The following ARSL variants were observed in gnomAD, a reference collection of about 807,000 sequenced individuals.
The protein encoded by ARSL is arylsulfatase L.
A neutral mutation model predicts 31.1 loss-of-function variants in ARSL; 4 were observed. The observed-to-expected ratio is 0.13, with a 90% confidence interval of 0.06 to 0.29. ARSL has a LOEUF of 0.29. Ranked by LOEUF, ARSL falls within the 10% of genes least tolerant of loss-of-function variation. The pLI, the probability that ARSL is intolerant of heterozygous loss-of-function variation, is 1.00. For missense variants in ARSL, 312 were observed against 497.8 expected, an observed-to-expected ratio of 0.63 and a Z score of 3.55; for synonymous variants, 198 against 209.9, an observed-to-expected ratio of 0.94 and a Z score of 0.49.
At chrX:2,942,714 C>T (rs2089297625) in intron 8 of ARSL, among the ~76,000 whole-genome samples, 1 of 111,893 alleles carries the variant, frequency 8.9e-6, no homozygotes, top group Non-Finnish European at 1.9e-5. Context: ...TGCACACTTA[C>T]ACGCAGACAT....
At chrX:2,959,766 C>G (rs2089578370) in intron 2 of ARSL, 1 of 1,108,607 alleles carries the variant, frequency 9.0e-7, no homozygotes, top group Non-Finnish European at 1.2e-6. Flanking sequence ...ATCAAGAGAT[C>G]CAGAAGCGGT....
rs183689320 is a variant in ARSL at position 2,944,699 on chromosome X, T to C, written c.991+1299A>G. Among the ~76,000 whole-genome samples the C allele has an allele frequency of 1.8e-3, 199 of 110,033 alleles. 1 individual carries two copies. The highest frequency in any genetic ancestry group is 6.2e-3 in the African/African-American group (188 of 30,281). On this transcript the variant is annotated intron_variant, in intron 7 of 10. Transcript: ENST00000381134. The stretch of plus-strand genomic sequence containing the variant: ...TCTTTTTTGGGAGGCAGGGATGTGC[T>C]GTGCCCATATACAGGTGCTCACCCA...
intron 2 of ARSL, chrX:2,959,843 C>T (rs1277461721): frequency 1.9e-5 from 11 of 591,298 alleles, no homozygotes; most frequent in Non-Finnish European, 2.6e-5. Context: ...ATTGCCTGAG[C>T]CCAGGTGTTT....
intron 1 of ARSL, among the ~76,000 whole-genome samples, chrX:2,960,862 C>A (rs1052249122): frequency 9.0e-6 from 1 of 110,959 alleles, no homozygotes; most frequent in East Asian, 2.9e-4. Context: ...AAGGGGGAAG[C>A]GGGGAAAGAT....
chrX:2,937,503 C>T (rs1038883078), intron 9 of ARSL, among the ~76,000 whole-genome samples: 17 of 110,981 alleles, frequency 1.5e-4, no homozygotes, highest in African/African-American at 3.9e-4. Context: ...CCTTGAAGCG[C>T]GATAAAATAA....
In ARSL at chrX:2,960,417, C is replaced by T. The variant is rs770410450; in HGVS notation, c.-17G>A. 8.3e-7 allele frequency: 1 copy of T among 1,203,130 alleles called. No homozygotes were observed. Among genetic ancestry groups the T allele is most frequent in the South Asian group, 1.8e-5 (1 of 56,566 alleles). On this transcript the variant is annotated 5_prime_UTR_variant, in exon 2 of 11. Coordinates refer to ENST00000381134, the MANE Select transcript of ARSL (RefSeq NM_000047.3). ...ATGTAACATGTTGTCTCTCTCTCTA[C>T]TTCCTGTAAGACATAAAGATGTCCA... is the stretch of plus-strand genomic sequence containing the variant.
At chrX:2,961,148 G>A (rs2089627239) in intron 1 of ARSL, among the ~76,000 whole-genome samples, 2 of 111,324 alleles carry the variant, frequency 1.8e-5, no homozygotes, top group Non-Finnish European at 3.8e-5. Context: ...GCCGGGAGAG[G>A]GGGCGACCAT....
intron 7 of ARSL, among the ~76,000 whole-genome samples, chrX:2,943,946 G>A (rs911019299): frequency 2.7e-5 from 3 of 110,026 alleles, no homozygotes; most frequent in Non-Finnish European, 3.8e-5. Flanking sequence ...TTGAGAGGCT[G>A]AGGTGGGAGG....
At chrX:2,936,502 C>T (rs760425809) in intron 10 of ARSL, among the ~76,000 whole-genome samples, 2 of 111,043 alleles carry the variant, frequency 1.8e-5, no homozygotes, top group South Asian at 3.8e-4. Context: ...CTATAGGTAA[C>T]GACTCCCCAT....
intron 6 of ARSL, among the ~76,000 whole-genome samples, chrX:2,947,125 G>A (rs1042395423): frequency 9.1e-6 from 1 of 110,417 alleles, no homozygotes; most frequent in African/African-American, 3.3e-5. Context: ...AGGAGGTTGC[G>A]GTGAGCTGAG....
chrX:2,943,597 C>G (rs1198166181), intron 7 of ARSL, among the ~76,000 whole-genome samples: 1 of 108,587 alleles, frequency 9.2e-6, no homozygotes, highest in East Asian at 2.9e-4. Flanking sequence ...CAAAAATTAG[C>G]CGGGCGTGGT....
intron 4 of ARSL, among the ~76,000 whole-genome samples, chrX:2,955,076 A>G (rs1034306157): frequency 8.9e-6 from 1 of 111,926 alleles, no homozygotes; most frequent in African/African-American, 3.2e-5. Flanking sequence ...TGGTTTATGC[A>G]TGAAAGGTGC....
In ARSL at chrX:2,949,611, G is replaced by T. The variant is rs747748989; in HGVS notation, c.547C>A (p.Arg183Ser). Residue 183 changes from arginine to serine, a missense_variant, in exon 6 of 11, where the codon CGC becomes AGC. Coordinates refer to ENST00000381134, the MANE Select transcript of ARSL (RefSeq NM_000047.3). ...ACACGCTTCTCTGAGAGTTCCCAGC[G>T]GGCGCAATCACCCATCAAGGAGAAA... ...MPFSLMGDCA[R>S]WELSEKRVNL... 4 of 1,211,262 alleles carry T rather than the reference G, an allele frequency of 3.3e-6. No homozygotes were observed. The highest frequency in any genetic ancestry group is 4.5e-6 in the Non-Finnish European group (4 of 895,447).
upstream of ARSL, among the ~76,000 whole-genome samples, chrX:2,964,948 T>C (rs933673929): frequency 6.4e-5 from 7 of 109,821 alleles, no homozygotes; most frequent in African/African-American, 9.9e-5. Flanking sequence ...CTATAAATAA[T>C]AAAACAATTA....
At position 2,944,126 on chromosome X, in the gene ARSL, C is replaced by T. The variant is rs1348116169; in HGVS notation, c.992-927G>A. ...CCTGGGAAGGCAGGGTGCAGTGAGC[C>T]ACGGTTGCACCACTGCACTCCAGCC... On this transcript the variant is annotated intron_variant, in intron 7 of 10. Transcript: ENST00000381134. Among the ~76,000 whole-genome samples, 7 of 109,834 alleles carry T rather than the reference C, an allele frequency of 6.4e-5. No homozygotes were observed. In the East Asian group the frequency reaches 2.0e-3, roughly 32 times the overall value.
Position 2,960,224 on chromosome X carries a change from G to A in ARSL, c.23+154C>T, listed in dbSNP as rs1272678497. On this transcript the variant is annotated intron_variant, in intron 2 of 10. Coordinates refer to ENST00000381134, the MANE Select transcript of ARSL (RefSeq NM_000047.3). ...GCGGAGCTTGCAGTGAGCCGAGATC[G>A]CGCCACTGCACTCCAGCCTGGGCGA... Among the ~76,000 whole-genome samples, 21 of 70,790 alleles carry A rather than the reference G, an allele frequency of 3.0e-4. 3 individuals are homozygous for A. Among genetic ancestry groups the A allele is most frequent in the East Asian group, 1.5e-3 (4 of 2,624 alleles). 61.5% of individuals were successfully genotyped at this position (70,790 alleles called of 115,157 possible).
chrX:2,945,084 G>C (rs1344466099), intron 7 of ARSL, among the ~76,000 whole-genome samples: 1 of 110,770 alleles, frequency 9.0e-6, no homozygotes, highest in Non-Finnish European at 1.9e-5. Context: ...AACAAAAAAG[G>C]ACCACAGGAG....
In ARSL at chrX:2,938,173, A is replaced by T; in HGVS notation, c.1211T>A (p.Val404Glu). 1.7e-6 allele frequency: 2 copies of T among 1,211,486 alleles called. No homozygotes were observed. Among genetic ancestry groups the T allele is most frequent in the Non-Finnish European group, 2.2e-6 (2 of 895,506 alleles). Residue 404 changes from valine to glutamate, a missense_variant, in exon 9 of 11, where the codon GTG becomes GAG. Physicochemically the swap from Val to Glu is moderately radical, Grantham distance 121. Coordinates refer to ENST00000381134, the MANE Select transcript of ARSL (RefSeq NM_000047.3). ...RWPGVLPAGR[V>E]IGEPTSLMDV... Reference sequence around the variant, plus strand: ...CATCAGACTCGTGGGCTCGCCAATCACTCGGCCGGCCGGGAGCACCCCGGG... The same window carrying T: ...CATCAGACTCGTGGGCTCGCCAATCTCTCGGCCGGCCGGGAGCACCCCGGG...
chrX:2,961,997 C>G (rs939976846), intron 1 of ARSL, among the ~76,000 whole-genome samples: 1 of 110,089 alleles, frequency 9.1e-6, no homozygotes, highest in African/African-American at 3.3e-5. Flanking sequence ...TCTCCTGCCT[C>G]AGCCTCCTAG....
Sources: gnomAD v4.1 joint callset for allele counts (sites outside exome capture counted in the v4.1 genomes callset) on GRCh38, gnomAD v4.1.1 for gene constraint, MANE v1.5 for transcripts, NCBI Gene and HGNC (gene_info 2026-07-23, HGNC 2026-07-21) for gene names.